Variants in ETV6 observed in about 807,000 individuals in gnomAD.
The protein encoded by ETV6 is ETS variant transcription factor 6, also known as transcription factor ETV6.
In ETV6, 16 loss-of-function variants were observed where a neutral mutation model predicts 51.1. The observed-to-expected ratio is 0.31, with a 90% CI of 0.21 to 0.48. The LOEUF is 0.48. Ranked by LOEUF, ETV6 falls within the 20% of genes least tolerant of loss-of-function variation. ETV6 has a pLI of 0.99. For synonymous variants in ETV6, 240 were observed against 224.1 expected (o/e 1.07, Z -0.64); for missense variants, 458 against 594.8 (o/e 0.77, Z 2.39).
chr12:11,772,847 C>G (rs1945262311), intron 2 of ETV6, among the ~76,000 whole-genome samples: 1 of 151,878 alleles, frequency 6.6e-6, no homozygotes. Flanking sequence ...TTGCTCATAC[C>G]ATAAAGCTGT....
At chr12:11,864,954 G>T (rs970441903) in intron 4 of ETV6, among the ~76,000 whole-genome samples, 6 of 152,164 alleles carry the variant, frequency 3.9e-5, no homozygotes, top group Non-Finnish European at 4.4e-5. Flanking sequence ...AATTTCCCTT[G>T]TAAATAGTAT....
chr12:11,716,330 CAAAAAAAAAAA>C (rs3049068), intron 1 of ETV6, among the ~76,000 whole-genome samples: 25 of 58,096 alleles, frequency 4.3e-4, no homozygotes, highest in African/African-American at 8.1e-4. Context: ...GACTCCTTCT[CAAAAAAAAAAA>C]AAAAAAAAAA....
intron 2 of ETV6, among the ~76,000 whole-genome samples, chr12:11,816,568 A>G (rs1945997521): frequency 6.6e-6 from 1 of 152,132 alleles, no homozygotes; most frequent in South Asian, 2.1e-4. Context: ...TTAAAAGATC[A>G]TTGCCTCGTT....
intron 1 of ETV6, among the ~76,000 whole-genome samples, chr12:11,741,033 C>T (rs1865797769): frequency 6.6e-6 from 1 of 152,144 alleles, no homozygotes; most frequent in Non-Finnish European, 1.5e-5. Flanking sequence ...GGGCTTTTAT[C>T]TTGGAAAAGC....
chr12:11,719,151 G>A (rs924094761), intron 1 of ETV6, among the ~76,000 whole-genome samples: 19 of 152,238 alleles, frequency 1.2e-4, no homozygotes, highest in Non-Finnish European at 2.4e-4. Context: ...TGGGGAGAGG[G>A]AAACTGAAGC....
Position 11,699,234 on chromosome 12 carries a change from A to C in ETV6, c.33+49074A>C, listed in dbSNP as rs1404207122. On this transcript the variant is annotated intron_variant, in intron 1 of 7. Transcript: ENST00000396373. ...TCTAGGATAAATGGAAGGAAACCAG[A>C]ATTTAGTGGGGTTTGCATGTATTGA... Among the ~76,000 whole-genome samples, 4 of 152,234 alleles carry C rather than the reference A, an allele frequency of 2.6e-5. No individual in the cohort carries two copies. The East Asian group carries it at 7.7e-4, about 29-fold the overall frequency.
intron 7 of ETV6, among the ~76,000 whole-genome samples, chr12:11,886,860 A>G (rs56380324): frequency 0.12 from 17,838 of 152,188 alleles, 1,368 homozygotes; most frequent in African/African-American, 0.21. Context: ...GCAGGTTGGT[A>G]GAAGTGAGAT....
chr12:11,721,781 C>A (rs1342633737), intron 1 of ETV6, among the ~76,000 whole-genome samples: 1 of 152,168 alleles, frequency 6.6e-6, no homozygotes, highest in Non-Finnish European at 1.5e-5. Context: ...GGGTCTGGCA[C>A]CCTGGCATAT....
At chr12:11,723,233 G>A (rs567844049) in intron 1 of ETV6, among the ~76,000 whole-genome samples, 1 of 143,418 alleles carries the variant, frequency 7.0e-6, no homozygotes, top group Non-Finnish European at 1.5e-5. Flanking sequence ...TATGGCAAGT[G>A]TGCATTGTAG....
intron 1 of ETV6, among the ~76,000 whole-genome samples, chr12:11,723,568 G>A (rs961528043): frequency 5.9e-5 from 9 of 152,050 alleles, no homozygotes; most frequent in African/African-American, 1.9e-4. Flanking sequence ...CCTGTTCTTT[G>A]CCTTTTATTC....
intron 2 of ETV6, among the ~76,000 whole-genome samples, chr12:11,791,815 A>G (rs1945599036): frequency 6.6e-6 from 1 of 152,092 alleles, no homozygotes; most frequent in Non-Finnish European, 1.5e-5. Flanking sequence ...AGTTTTATCT[A>G]ATGTTTCTCA....
intron 2 of ETV6, among the ~76,000 whole-genome samples, chr12:11,823,217 A>C (rs1241174373): frequency 6.6e-6 from 1 of 152,186 alleles, no homozygotes; most frequent in African/African-American, 2.4e-5. Context: ...ATCTGTGACT[A>C]TAACTCCGTA....
intron 4 of ETV6, among the ~76,000 whole-genome samples, chr12:11,862,698 A>G (rs531388159): frequency 3.3e-5 from 5 of 152,328 alleles, no homozygotes; most frequent in Admixed American, 1.3e-4. Flanking sequence ...GATGTTTAAA[A>G]TGACCTCATC....
chr12:11,745,622 T>C (rs1309334690), intron 1 of ETV6, among the ~76,000 whole-genome samples: 1 of 152,198 alleles, frequency 6.6e-6, no homozygotes, highest in Non-Finnish European at 1.5e-5. Flanking sequence ...CACTGTGATT[T>C]CTGGGGGCAG....
intron 2 of ETV6, among the ~76,000 whole-genome samples, chr12:11,819,293 C>T (rs1946041981): frequency 6.6e-6 from 1 of 152,178 alleles, no homozygotes; most frequent in Non-Finnish European, 1.5e-5. Flanking sequence ...CCGAAACTCT[C>T]CTGGCTTGCA....
chr12:11,650,678 C>T (rs762990735), intron 1 of ETV6, among the ~76,000 whole-genome samples: 4 of 151,916 alleles, frequency 2.6e-5, no homozygotes, highest in African/African-American at 9.7e-5. Context: ...TTTTCCCCCT[C>T]GTCTGATTGT....
intron 1 of ETV6, among the ~76,000 whole-genome samples, chr12:11,735,546 C>G (rs985927180): frequency 7.2e-5 from 11 of 152,206 alleles, no homozygotes; most frequent in Admixed American, 3.9e-4. Context: ...ACTTTGCTAT[C>G]AGTAGGCTCT....
chr12:11,775,946 C>T (rs1819677940), intron 2 of ETV6, among the ~76,000 whole-genome samples: 1 of 152,202 alleles, frequency 6.6e-6, no homozygotes, highest in Non-Finnish European at 1.5e-5. Flanking sequence ...TTCAGTCTCA[C>T]CAGCATTTCT....
intron 3 of ETV6, among the ~76,000 whole-genome samples, chr12:11,841,712 C>T (rs1291767017): frequency 2.0e-5 from 3 of 152,176 alleles, no homozygotes; most frequent in East Asian, 1.9e-4. Context: ...GTCGAACAAA[C>T]CTCATAGACA....
Sources: gnomAD v4.1 joint callset for allele counts (sites outside exome capture counted in the v4.1 genomes callset) on GRCh38, gnomAD v4.1.1 for gene constraint, MANE v1.5 for transcripts, NCBI Gene and HGNC (gene_info 2026-07-23, HGNC 2026-07-21) for gene names.